The following PCDHA4 variants were observed in gnomAD, a reference collection of about 807,000 sequenced individuals.
The protein encoded by PCDHA4 is protocadherin alpha-4.
A neutral mutation model predicts 61.4 loss-of-function variants in PCDHA4; 49 were observed. The ratio of observed to expected loss-of-function variants is 0.80; its 90% CI spans 0.63 to 1.01. PCDHA4 has a LOEUF of 1.01. Ranked by LOEUF, PCDHA4 falls within the 50% of genes least tolerant of loss-of-function variation. The pLI is 0.00. For missense variants in PCDHA4, 1,254 were observed against 1,235.8 expected (o/e 1.01, Z -0.22); for synonymous variants, 590 against 550.3 (o/e 1.07, Z -1.01).
intron 1 of PCDHA4, chr5:140,877,407 C>A: frequency 6.2e-7 from 1 of 1,613,942 alleles, no homozygotes; most frequent in Non-Finnish European, 8.5e-7. Flanking sequence ...CTCCGCGCCA[C>A]CGCCTGCTGG....
intron 1 of PCDHA4, among the ~76,000 whole-genome samples, chr5:140,976,378 C>T (rs908008970): frequency 6.6e-6 from 1 of 151,926 alleles, no homozygotes; most frequent in Admixed American, 6.6e-5. Context: ...TGGTGAAACC[C>T]CATCTCTACT....
At chr5:140,968,904 G>A (rs1554231223) in intron 1 of PCDHA4, 1 of 1,614,058 alleles carries the variant, frequency 6.2e-7, no homozygotes, top group Non-Finnish European at 8.5e-7. Flanking sequence ...ATAGCATTAA[G>A]CACAGTGTCT....
Position 140,941,218 on chromosome 5 carries a change from T to C in PCDHA4, c.2386-37731T>C, listed in dbSNP as rs552463058. ...TTCTTTCTTCCTTTCTTTCTTCCTT[T>C]CTTTCTTTCTTTCTTTCTTTCTTTC... On this transcript the variant is annotated intron_variant, in intron 1 of 3. Transcript: ENST00000530339. 5.6e-5 allele frequency among the ~76,000 whole-genome samples: 7 copies of C among 125,730 alleles called. No homozygotes were observed. In the South Asian group the frequency reaches 7.6e-4, roughly 14 times the overall value. 82.5% of individuals were successfully genotyped at this position (125,730 alleles called of 152,430 possible). A position where few individuals can be genotyped will look rare whatever the true frequency, so the allele number is the denominator to read the frequency against.
rs782257919 is a variant in PCDHA4, at chr5:140,853,730, T to C, written c.2385+44158T>C. 84 of 988,668 alleles carry C rather than the reference T, an allele frequency of 8.5e-5. 8 individuals carry two copies. Among genetic ancestry groups the C allele is most frequent in the African/African-American group, 5.6e-4 (32 of 56,686 alleles). The allele number at this position is 988,668 out of a possible 1,614,324, so 61.2% of individuals were successfully genotyped here. A position where few individuals can be genotyped will look rare whatever the true frequency, so the allele number is the denominator to read the frequency against. ...AGCATTAGCAGCACCTAAGTCCTCA[T>C]TGAATGTTCTGGTTCAAGGCTCCAC... On this transcript the variant is annotated intron_variant, in intron 1 of 3. Coordinates refer to ENST00000530339, the MANE Select transcript of PCDHA4 (RefSeq NM_018907.4).
rs200493520 is a variant in PCDHA4 at position 140,928,140 on chromosome 5, G to T, written c.2386-50809G>T. ...TCAGTGAATACCAAGTCCTGATCAC[G>T]GCCTCAGATAGTGGCTCACCCCCAC... On this transcript the variant is annotated intron_variant, in intron 1 of 3. Transcript: ENST00000530339. The T allele has an allele frequency of 2.5e-6, 4 of 1,614,154 alleles. No homozygotes were observed. In the East Asian group the frequency reaches 6.7e-5, roughly 27 times the overall value.
At chr5:140,871,315 C>A (rs908582761) in intron 1 of PCDHA4, 1 of 1,613,928 alleles carries the variant, frequency 6.2e-7, no homozygotes, top group African/African-American at 1.3e-5. Context: ...GAAGCCCACG[C>A]TGGTGTGCTC....
intron 1 of PCDHA4, chr5:140,860,038 C>T (rs1333374793): frequency 6.6e-6 from 1 of 151,844 alleles, no homozygotes; most frequent in African/African-American, 2.4e-5. Context: ...CCTGTAATCC[C>T]AGCATTTTGA....
intron 1 of PCDHA4, 81 bp from the exon 2 acceptor site, chr5:140,978,868 G>A: frequency 6.2e-7 from 1 of 1,606,078 alleles, no homozygotes; most frequent in Non-Finnish European, 8.5e-7. Context: ...ATATTTAAGG[G>A]AGTAACTAAT....
chr5:140,948,385 T>A (rs909867343), intron 1 of PCDHA4, among the ~76,000 whole-genome samples: 4 of 151,622 alleles, frequency 2.6e-5, no homozygotes, highest in Admixed American at 2.6e-4. Flanking sequence ...TTCCTCTATT[T>A]TCTGAAAGGT....
At chr5:140,936,124 C>T (rs2090779585) in intron 1 of PCDHA4, among the ~76,000 whole-genome samples, 1 of 152,130 alleles carries the variant, frequency 6.6e-6, no homozygotes, top group African/African-American at 2.4e-5. Context: ...AACTCCTGAC[C>T]TTAAGTGATC....
intron 3 of PCDHA4, among the ~76,000 whole-genome samples, chr5:140,994,582 G>A (rs1179279862): frequency 6.6e-6 from 1 of 152,062 alleles, no homozygotes; most frequent in Non-Finnish European, 1.5e-5. Context: ...GCATGCACTT[G>A]TAGTCTCAGC....
rs2150499672 is a variant in PCDHA4 at position 140,850,819 on chromosome 5, G to A, written c.2385+41247G>A. 1.0e-5 allele frequency: 16 copies of A among 1,598,272 alleles called. No individual in the cohort carries two copies. In the African/African-American group the frequency reaches 1.7e-4, roughly 17 times the overall value. On this transcript the variant is annotated intron_variant, in intron 1 of 3. Transcript: ENST00000530339. ...ACCGACCTCATGGCCTTCAGCCCGGGCCTTTCTCCTTGTGCTGGATCTACA... is the reference window on the plus strand; with the variant it reads ...ACCGACCTCATGGCCTTCAGCCCGGACCTTTCTCCTTGTGCTGGATCTACA...
At chr5:140,856,696 A>C (rs2044153599) in intron 1 of PCDHA4, 1 of 1,596,642 alleles carries the variant, frequency 6.3e-7, no homozygotes, top group Non-Finnish European at 8.6e-7. Flanking sequence ...CAACTGATGG[A>C]GGCAAACCTG....
At position 140,858,437 on chromosome 5, in the gene PCDHA4, G is replaced by T. The variant is rs1343643925; in HGVS notation, c.2385+48865G>T. The T allele has an allele frequency of 4.5e-6, 7 of 1,541,950 alleles. 1 individual carries two copies. In the Admixed American group the frequency reaches 1.4e-4, roughly 30 times the overall value. Reference sequence around the variant, plus strand: ...TATTGGAGGGGACCACTCTAGGAAGGTGGGTTATTACGTTTTCATTTTCCT... The same window carrying T: ...TATTGGAGGGGACCACTCTAGGAAGTTGGGTTATTACGTTTTCATTTTCCT... On this transcript the variant is annotated intron_variant, in intron 1 of 3. Coordinates refer to ENST00000530339, the MANE Select transcript of PCDHA4 (RefSeq NM_018907.4).
intron 1 of PCDHA4, among the ~76,000 whole-genome samples, chr5:140,950,301 T>G (rs1467140584): frequency 6.6e-6 from 1 of 152,076 alleles, no homozygotes; most frequent in Non-Finnish European, 1.5e-5. Context: ...AAACTTTACT[T>G]AGCAGTTTTT....
chr5:140,966,894 A>G, intron 1 of PCDHA4: 1 of 1,596,438 alleles, frequency 6.3e-7, no homozygotes, highest in Non-Finnish European at 8.5e-7. Flanking sequence ...GCGGCCTCCC[A>G]GCTGCGATAC....
chr5:140,823,239 G>A, intron 1 of PCDHA4: 1 of 1,613,536 alleles, frequency 6.2e-7, no homozygotes, highest in African/African-American at 1.3e-5. Context: ...AGAACGCCCT[G>A]GTGTCCTACT....
At chr5:140,985,062 T>C (rs2097134097) in intron 3 of PCDHA4, among the ~76,000 whole-genome samples, 1 of 152,058 alleles carries the variant, frequency 6.6e-6, no homozygotes, top group African/African-American at 2.4e-5. Flanking sequence ...CTCAGCCTCC[T>C]GAGTAGCTGA....
chr5:140,856,690 T>A (rs1368181199), intron 1 of PCDHA4: 2 of 1,597,086 alleles, frequency 1.3e-6, no homozygotes, highest in East Asian at 2.2e-5. Context: ...TGACAGCAAC[T>A]GATGGAGGCA....
Sources: gnomAD v4.1 joint callset for allele counts (sites outside exome capture counted in the v4.1 genomes callset) on GRCh38, gnomAD v4.1.1 for gene constraint, MANE v1.5 for transcripts, NCBI Gene and HGNC (gene_info 2026-07-23, HGNC 2026-07-21) for gene names.